ZNF670: variants seen among roughly 807,000 people sequenced by gnomAD.
ZNF670 encodes the protein zinc finger protein 670.
In ZNF670, 7 loss-of-function variants were observed where a neutral mutation model predicts 10.9. The ratio of observed to expected loss-of-function variants is 0.64; its 90% CI spans 0.36 to 1.20. The LOEUF (loss-of-function observed/expected upper bound fraction) is 1.20. Ranked by LOEUF, ZNF670 falls within the 50% of genes most tolerant of loss-of-function variation. The pLI is 0.02. For missense variants in ZNF670, 446 were observed against 458.6 expected (o/e 0.97, Z 0.25); for synonymous variants, 136 against 152.7 (o/e 0.89, Z 0.81).
chr1:247,053,181 C>CG (rs1670636898), intron 1 of ZNF670, among the ~76,000 whole-genome samples: 1 of 152,182 alleles, frequency 6.6e-6, no homozygotes, highest in Non-Finnish European at 1.5e-5. Flanking sequence ...AGAAGGGCTG[C>CG]GATCTTGCCC....
chr1:247,034,717 C>A lies in ZNF670; in HGVS notation c.*2732G>T, dbSNP rs756676461. On this transcript the variant is annotated 3_prime_UTR_variant, in exon 4 of 4. Coordinates refer to ENST00000366503, the MANE Select transcript of ZNF670 (RefSeq NM_033213.5). Reference sequence around the variant, plus strand: ...ATGGGGACATTCTTCCTTTCTGCAACTTCACACACACAAAATCCCTGGAGC... The same window carrying A: ...ATGGGGACATTCTTCCTTTCTGCAAATTCACACACACAAAATCCCTGGAGC... Among the ~76,000 whole-genome samples the A allele has an allele frequency of 6.6e-6, 1 of 152,218 alleles. No homozygotes were observed. Among genetic ancestry groups the A allele is most frequent in the African/African-American group, 2.4e-5 (1 of 41,454 alleles).
In ZNF670 at chr1:247,078,663, A is replaced by G; in HGVS notation, c.-67T>C. On this transcript the variant is annotated 5_prime_UTR_variant, in exon 1 of 4. Transcript: ENST00000366503. ...CGGGACCTGCAGGTCCCAGAGCAAC[A>G]GAAGCTGCCGCGGGACCACTTGGAC... 2 of 1,583,566 alleles carry G rather than the reference A, an allele frequency of 1.3e-6. No homozygotes were observed. The highest frequency in any genetic ancestry group is 1.7e-6 in the Non-Finnish European group (2 of 1,156,116).
intron 1 of ZNF670, among the ~76,000 whole-genome samples, chr1:247,053,635 C>CA (rs1465339834): frequency 6.6e-6 from 1 of 151,608 alleles, no homozygotes; most frequent in African/African-American, 2.4e-5. Context: ...GACTCCGTCT[C>CA]AAAAAACAAA....
In ZNF670 at chr1:247,078,593, C is replaced by T; in HGVS notation, c.3+1G>A. 1 of 1,613,996 alleles carries T rather than the reference C, an allele frequency of 6.2e-7. No homozygotes were observed. The highest frequency in any genetic ancestry group is 8.5e-7 in the Non-Finnish European group (1 of 1,179,930). ...CCGAGACACCTGGCCGGCACACTCA[C>T]CATTTCCCAGTCTCCGGTGTCTGGG... On this transcript the variant is annotated splice_donor_variant, in intron 1 of 3. Coordinates refer to ENST00000366503, the MANE Select transcript of ZNF670 (RefSeq NM_033213.5). LOFTEE classifies it high-confidence loss of function.
chr1:247,043,911 A>G, intron 1 of ZNF670: 1 of 303,036 alleles, frequency 3.3e-6, no homozygotes. Flanking sequence ...ACATAGAACC[A>G]GAGATATAAG....
At chr1:247,078,013 T>C (rs1369238264) in intron 1 of ZNF670, among the ~76,000 whole-genome samples, 8 of 152,212 alleles carry the variant, frequency 5.3e-5, no homozygotes. Flanking sequence ...AATTAACCTC[T>C]GGTTACATAA....
chr1:247,043,923 C>A (rs1294440871), intron 1 of ZNF670: 2 of 295,916 alleles, frequency 6.8e-6, no homozygotes, highest in African/African-American at 2.2e-5. Context: ...AGATATAAGA[C>A]CAGTCTAGCA....
At chr1:247,054,687 A>C (rs1404626717) in intron 1 of ZNF670, among the ~76,000 whole-genome samples, 2 of 152,234 alleles carry the variant, frequency 1.3e-5, no homozygotes, top group Non-Finnish European at 2.9e-5. Flanking sequence ...CTTTGGTGAC[A>C]TTCTGAGATG....
At chr1:247,048,767 GGAA>G (rs1670518505) in intron 1 of ZNF670, among the ~76,000 whole-genome samples, 2 of 152,274 alleles carry the variant, frequency 1.3e-5, no homozygotes, top group African/African-American at 4.8e-5. Context: ...CATGGTGGTA[GGAA>G]GAAGAATGAC....
intron 1 of ZNF670, among the ~76,000 whole-genome samples, chr1:247,060,723 A>G (rs775684640): frequency 6.6e-6 from 1 of 152,254 alleles, no homozygotes; most frequent in Non-Finnish European, 1.5e-5. Flanking sequence ...ATTTATAGCC[A>G]TGCAAAAAAA....
Position 247,037,429 on chromosome 1 carries a change from T to C in ZNF670, c.*20A>G. 3 of 1,564,132 alleles carry C rather than the reference T, an allele frequency of 1.9e-6. No individual in the cohort carries two copies. Among genetic ancestry groups the C allele is most frequent in the Non-Finnish European group, 2.6e-6 (3 of 1,158,220 alleles). ...AACACACTTCTTACATTGACAGAGG[T>C]GTTTTGTTGTTGTTGTTTTTTACCA... On this transcript the variant is annotated 3_prime_UTR_variant, in exon 4 of 4. Transcript: ENST00000366503.
At chr1:247,070,666 C>A (rs1238389184) in intron 1 of ZNF670, among the ~76,000 whole-genome samples, 3 of 152,118 alleles carry the variant, frequency 2.0e-5, no homozygotes. Context: ...CTCTACACAA[C>A]AAGATAAACT....
At chr1:247,060,344 A>G (rs1670828299) in intron 1 of ZNF670, among the ~76,000 whole-genome samples, 1 of 152,236 alleles carries the variant, frequency 6.6e-6, no homozygotes, top group African/African-American at 2.4e-5. Context: ...AACTTTCACA[A>G]AAGACCAAAG....
At chr1:247,049,765 T>C (rs1197587223) in intron 1 of ZNF670, among the ~76,000 whole-genome samples, 1 of 152,234 alleles carries the variant, frequency 6.6e-6, no homozygotes, top group Non-Finnish European at 1.5e-5. Flanking sequence ...CTATCTTGAT[T>C]TCATTGTTGA....
chr1:247,072,802 GTGTATATA>G lies in ZNF670; in HGVS notation c.3+5784_3+5791del, dbSNP rs1226523986. 6.9e-4 allele frequency among the ~76,000 whole-genome samples: 15 copies of G among 21,798 alleles called. 1 individual carries two copies. Among genetic ancestry groups the G allele is most frequent in the Non-Finnish European group, 1.2e-3 (15 of 12,396 alleles). 14.3% of individuals were successfully genotyped at this position (21,798 alleles called of 152,430 possible). On this transcript the variant is annotated intron_variant, in intron 1 of 3. Transcript: ENST00000366503. The stretch of plus-strand genomic sequence containing the variant: ...AACTCTGTCTCAAAAAAAAAAGTGT[GTGTATATA>G]TATATATATATATATATATATATAT...
chr1:247,078,506 C>T, intron 1 of ZNF670, 88 bp downstream of exon 1: 2 of 1,548,778 alleles, frequency 1.3e-6, no homozygotes, highest in Non-Finnish European at 1.8e-6. Context: ...AAACTCGGGT[C>T]GGCACCGCGG....
At chr1:247,077,171 G>A (rs182397856) in intron 1 of ZNF670, among the ~76,000 whole-genome samples, 2 of 152,294 alleles carry the variant, frequency 1.3e-5, no homozygotes, top group East Asian at 3.9e-4. Context: ...TGAAAACTGG[G>A]GTTGGAGGAA....
At chr1:247,038,934 G>T (rs1670235159) in intron 2 of ZNF670, 64 bp from the exon 3 acceptor site, 4 of 1,362,022 alleles carry the variant, frequency 2.9e-6, no homozygotes, top group African/African-American at 1.4e-5. Flanking sequence ...TAGATTCAAG[G>T]TTCACTATAC....
rs978514345 is a variant in ZNF670 at position 247,037,682 on chromosome 1, G to T, written c.937C>A (p.Gln313Lys). ...HSGEKPYECKQCGKAFKYSSN... is the reference protein window; with the variant it reads ...HSGEKPYECKKCGKAFKYSSN... ...GAATATTTGAAGGCTTTACCACATT[G>T]TTTACATTCATAGGGCTTTTCTCCA... The change falls in exon 4 of 4, where the codon CAA becomes AAA. Residue 313 changes from glutamine (Q) to lysine (K), a missense_variant. Transcript: ENST00000366503. 6.2e-7 allele frequency: 1 copy of T among 1,613,820 alleles called. No homozygotes were observed. Among genetic ancestry groups the T allele is most frequent in the African/African-American group, 1.3e-5 (1 of 74,902 alleles).
Sources: gnomAD v4.1 joint callset for allele counts (sites outside exome capture counted in the v4.1 genomes callset) on GRCh38, gnomAD v4.1.1 for gene constraint, MANE v1.5 for transcripts, NCBI Gene and HGNC (gene_info 2026-07-23, HGNC 2026-07-21) for gene names.